Variants in TADA2B observed in about 807,000 individuals in gnomAD.
TADA2B encodes transcriptional adapter 2-beta.
In TADA2B, 13 loss-of-function variants were observed where a neutral mutation model predicts 34.5. The observed-to-expected ratio is 0.38, with a 90% CI of 0.25 to 0.60. The LOEUF is 0.60. Ranked by LOEUF, TADA2B falls within the 20% of genes least tolerant of loss-of-function variation. TADA2B has a pLI of 0.65. For missense variants in TADA2B, 442 were observed against 575.0 expected (o/e 0.77, Z 2.37); for synonymous variants, 240 against 243.4 (o/e 0.99, Z 0.13).
At position 7,054,976 on chromosome 4, in the gene TADA2B, C is replaced by T. The variant is rs763722330; in HGVS notation, c.1185C>T (p.Ser395=). 6.2e-7 allele frequency: 1 copy of T among 1,613,864 alleles called. No individual in the cohort carries two copies. Residue 395 remains serine (S), a synonymous_variant, in exon 2 of 2, where the codon AGC becomes AGT. Transcript: ENST00000310074. ...TCCCCTCCAAAAGCCGCCTTCCTAG[C>T]TACCTGGACAAAGTCCTAAAGAAAA... is the stretch of plus-strand genomic sequence containing the variant. ...QGIPSKSRLP[S]YLDKVLKKRI...
Position 7,054,214 on chromosome 4 carries a change from C to A in TADA2B, c.423C>A (p.Gly141=). The A allele has an allele frequency of 6.2e-7, 1 of 1,606,526 alleles. No individual in the cohort carries two copies. Among genetic ancestry groups the A allele is most frequent in the East Asian group, 2.3e-5 (1 of 44,346 alleles). ...RVTDHTCPSG[G]PLSPSLTTPL... ...CAGACCACACCTGTCCCAGCGGAGG[C>A]CCCCTCTCACCCAGCCTCACCACCC... is the stretch of plus-strand genomic sequence containing the variant. The change falls in exon 2 of 2, where the codon GGC becomes GGA. Residue 141 remains glycine, a synonymous_variant. Transcript: ENST00000310074.
chr4:7,054,194 C>T lies in TADA2B; in HGVS notation c.403C>T (p.His135Tyr). The change falls in exon 2 of 2, where the codon CAC becomes TAC. Residue 135 changes from histidine (H) to tyrosine (Y), a missense_variant. Coordinates refer to ENST00000310074, the MANE Select transcript of TADA2B (RefSeq NM_152293.3). Reference sequence around the variant, plus strand: ...CACCATCCCCAACCGCGTGACAGACCACACCTGTCCCAGCGGAGGCCCCCT... The same window carrying T: ...CACCATCCCCAACCGCGTGACAGACTACACCTGTCCCAGCGGAGGCCCCCT... ...PDTIPNRVTD[H>Y]TCPSGGPLSP... 1 of 1,606,888 alleles carries T rather than the reference C, an allele frequency of 6.2e-7. No individual in the cohort carries two copies. Among genetic ancestry groups the T allele is most frequent in the Non-Finnish European group, 8.5e-7 (1 of 1,176,830 alleles).
At chr4:7,044,927 T>C (rs919844288) in intron 1 of TADA2B, 1 of 152,254 alleles carries the variant, frequency 6.6e-6, no homozygotes, top group South Asian at 2.1e-4. Flanking sequence ...AGCCCTGGAA[T>C]GTTGATTCTC....
chr4:7,052,009 C>T (rs1382477443), intron 1 of TADA2B, among the ~76,000 whole-genome samples: 1 of 152,254 alleles, frequency 6.6e-6, no homozygotes, highest in African/African-American at 2.4e-5. Flanking sequence ...CACTGACTCA[C>T]CTTGTGACCT....
intron 1 of TADA2B, chr4:7,053,256 TA>T (rs945338080): frequency 6.6e-6 from 1 of 152,282 alleles, no homozygotes; most frequent in Non-Finnish European, 1.5e-5. Flanking sequence ...TTGAGGGAGT[TA>T]TACAGTTTCC....
Position 7,057,087 on chromosome 4 carries a change from T to G in TADA2B, c.*2033T>G, listed in dbSNP as rs1424751304. 2 of 152,226 alleles carry G rather than the reference T, an allele frequency of 1.3e-5. No individual in the cohort carries two copies. The highest frequency in any genetic ancestry group is 2.9e-5 in the Non-Finnish European group (2 of 68,042). 9.4% of individuals were successfully genotyped at this position (152,226 alleles called of 1,614,324 possible). A position where few individuals can be genotyped will look rare whatever the true frequency, so the allele number is the denominator to read the frequency against. ...TTTCTACAGCGCCAGGATCCTAGTT[T>G]GGTGAGGTTTTAAATTTAATCTTAT... On this transcript the variant is annotated 3_prime_UTR_variant, in exon 2 of 2. Coordinates refer to ENST00000310074, the MANE Select transcript of TADA2B (RefSeq NM_152293.3).
chr4:7,043,947 C>T, intron 1 of TADA2B, 98 bp downstream of exon 1: 1 of 1,333,320 alleles, frequency 7.5e-7, no homozygotes, highest in South Asian at 1.9e-5. Context: ...CCTGCTCGCT[C>T]GCTCCGCACC....
chr4:7,051,159 A>G (rs948653533), intron 1 of TADA2B, among the ~76,000 whole-genome samples: 1 of 152,226 alleles, frequency 6.6e-6, no homozygotes, highest in East Asian at 1.9e-4. Flanking sequence ...ACTGATGGAA[A>G]GAGTTGAGCC....
At chr4:7,046,474 G>A (rs983667952) in intron 1 of TADA2B, among the ~76,000 whole-genome samples, 3 of 152,228 alleles carry the variant, frequency 2.0e-5, no homozygotes, top group African/African-American at 7.2e-5. Flanking sequence ...GAAACTAAGC[G>A]CCTTGTCAGG....
chr4:7,043,555 G>T lies in TADA2B; in HGVS notation c.-25G>T. On this transcript the variant is annotated 5_prime_UTR_variant, in exon 1 of 2. Transcript: ENST00000310074. ...GGGGCGCGGCGGCTGCGGCGGGCCG[G>T]GCGGCGGGCGGCGAGCGGGGGAAGA... The T allele has an allele frequency of 8.2e-7, 1 of 1,219,116 alleles. No homozygotes were observed. Among genetic ancestry groups the T allele is most frequent in the Admixed American group, 4.4e-5 (1 of 22,862 alleles). 75.5% of individuals were successfully genotyped at this position (1,219,116 alleles called of 1,614,324 possible). A position where few individuals can be genotyped will look rare whatever the true frequency, so the allele number is the denominator to read the frequency against.
chr4:7,054,673 C>T lies in TADA2B; in HGVS notation c.882C>T (p.Tyr294=), dbSNP rs772692077. ...CCAAGATCCGAGAACTGCAGCGGTACCGGCGAAACGGGATCACCAAGATGG... is the reference window on the plus strand; with the variant it reads ...CCAAGATCCGAGAACTGCAGCGGTATCGGCGAAACGGGATCACCAAGATGG... ...LRAKIRELQR[Y]RRNGITKMEE... The change falls in exon 2 of 2, where the codon TAC becomes TAT. Residue 294 remains tyrosine, a synonymous_variant. Transcript: ENST00000310074. The T allele has an allele frequency of 5.6e-6, 9 of 1,613,800 alleles. No individual in the cohort carries two copies. The highest frequency in any genetic ancestry group is 7.6e-6 in the Non-Finnish European group (9 of 1,179,884).
At chr4:7,049,905 T>C (rs4513569) in intron 1 of TADA2B, among the ~76,000 whole-genome samples, 139,607 of 152,354 alleles carry the variant, frequency 0.92, 64,649 homozygotes, top group East Asian at 1. Flanking sequence ...TGGCCCTAGT[T>C]GTTGGCCCAG....
chr4:7,043,944 G>T (rs1723551427), intron 1 of TADA2B, 95 bp downstream of exon 1: 4 of 1,342,078 alleles, frequency 3.0e-6, no homozygotes, highest in African/African-American at 3.1e-5. Context: ...GGACCTGCTC[G>T]CTCGCTCCGC....
At chr4:7,049,553 C>T (rs1723716730) in intron 1 of TADA2B, among the ~76,000 whole-genome samples, 1 of 152,238 alleles carries the variant, frequency 6.6e-6, no homozygotes, top group Admixed American at 6.5e-5. Context: ...CAGGGCTGCC[C>T]ACTGGAACAG....
intron 1 of TADA2B, among the ~76,000 whole-genome samples, chr4:7,050,788 T>C (rs1369391520): frequency 1.3e-5 from 2 of 152,244 alleles, no homozygotes; most frequent in Non-Finnish European, 2.9e-5. Context: ...AAGCCCAGCG[T>C]CCGGCTTCGC....
At chr4:7,044,297 C>G (rs1459588770) in intron 1 of TADA2B, among the ~76,000 whole-genome samples, 3 of 152,202 alleles carry the variant, frequency 2.0e-5, no homozygotes, top group Non-Finnish European at 4.4e-5. Flanking sequence ...TGGGGCGGCC[C>G]CGTTTGCTTT....
intron 1 of TADA2B, among the ~76,000 whole-genome samples, chr4:7,051,470 G>C (rs564778389): frequency 6.6e-6 from 1 of 152,180 alleles, no homozygotes; most frequent in Non-Finnish European, 1.5e-5. Flanking sequence ...TAGACCCCAC[G>C]AGGCACACTA....
At chr4:7,052,230 C>T (rs376318814) in intron 1 of TADA2B, among the ~76,000 whole-genome samples, 10 of 152,394 alleles carry the variant, frequency 6.6e-5, no homozygotes, top group Admixed American at 3.9e-4. Flanking sequence ...CTGCCCCTGC[C>T]GCCCGCCTGC....
At chr4:7,044,090 G>T (rs902370524) in intron 1 of TADA2B, among the ~76,000 whole-genome samples, 1 of 152,274 alleles carries the variant, frequency 6.6e-6, no homozygotes, top group African/African-American at 2.4e-5. Context: ...GGCTTTGAAC[G>T]CTGGCTTCTG....
Sources: allele counts gnomAD v4.1 joint callset (sites outside exome capture counted in the v4.1 genomes callset), GRCh38; gene constraint gnomAD v4.1.1; transcripts MANE v1.5; gene names NCBI Gene and HGNC (gene_info 2026-07-23, HGNC 2026-07-21).